RAPGEF6: variants seen among roughly 807,000 people sequenced by gnomAD.
RAPGEF6 encodes PDZ domain containing guanine nucleotide exchange factor (GEF) 2.
RAPGEF6 carries 56 observed loss-of-function variants against 171.4 expected under a neutral mutation model. The observed-to-expected ratio is 0.33, with a 90% confidence interval of 0.26 to 0.41. The LOEUF is 0.41. Ranked by LOEUF, RAPGEF6 falls within the 10% of genes least tolerant of loss-of-function variation. The probability of loss-of-function intolerance (pLI) is 1.00; values close to 1 mark genes in which losing one functional copy is unlikely to be tolerated. For missense variants in RAPGEF6, 1,674 were observed against 1,921.4 expected (o/e 0.87, Z 2.41); for synonymous variants, 692 against 650.1 (o/e 1.06, Z -0.98).
chr5:131,610,988 C>T (rs573264469), intron 1 of RAPGEF6, among the ~76,000 whole-genome samples: 4 of 152,332 alleles, frequency 2.6e-5, no homozygotes, highest in African/African-American at 7.2e-5. Context: ...CCATGCGATA[C>T]TCCCAATCAA....
intron 14 of RAPGEF6, among the ~76,000 whole-genome samples, chr5:131,489,994 T>C (rs1756174918): frequency 6.6e-6 from 1 of 152,160 alleles, no homozygotes; most frequent in Non-Finnish European, 1.5e-5. Flanking sequence ...CAAATGTATA[T>C]ACAAATTTGT....
intron 1 of RAPGEF6, among the ~76,000 whole-genome samples, chr5:131,627,327 C>G (rs1456628902): frequency 6.6e-6 from 1 of 152,180 alleles, no homozygotes; most frequent in Admixed American, 6.5e-5. Context: ...CCTATAACAA[C>G]TAACTGAAAC....
At chr5:131,630,125 A>G (rs6887105) in intron 1 of RAPGEF6, among the ~76,000 whole-genome samples, 1,606 of 152,304 alleles carry the variant, frequency 0.011, 20 homozygotes, top group African/African-American at 0.036. Context: ...GGCAAACTTC[A>G]TTGTCTTATT....
Position 131,489,662 on chromosome 5 carries a change from G to A in RAPGEF6, c.1732-8C>T. 2 of 1,454,110 alleles carry A rather than the reference G, an allele frequency of 1.4e-6. No homozygotes were observed. Among genetic ancestry groups the A allele is most frequent in the East Asian group, 4.7e-5 (2 of 42,432 alleles). 90.1% of individuals were successfully genotyped at this position (1,454,110 alleles called of 1,614,324 possible). A position where few individuals can be genotyped will look rare whatever the true frequency, so the allele number is the denominator to read the frequency against. The stretch of plus-strand genomic sequence containing the variant: ...TCCATTTACTTCCATAATCTTAAAA[G>A]TATTTAAAAAATACAAATTAATACA... On this transcript the variant is annotated splice_region_variant and splice_polypyrimidine_tract_variant and intron_variant, in intron 14 of 27. Transcript: ENST00000509018.
At chr5:131,524,183 G>GA (rs1466756253) in intron 6 of RAPGEF6, among the ~76,000 whole-genome samples, 3 of 152,112 alleles carry the variant, frequency 2.0e-5, no homozygotes, top group African/African-American at 7.2e-5. Flanking sequence ...TCAGGAACAA[G>GA]AAAGAAGAAA....
At chr5:131,479,882 C>T (rs1755353217) in intron 15 of RAPGEF6, 129 bp from the exon 16 acceptor site, 8 of 926,658 alleles carry the variant, frequency 8.6e-6, no homozygotes, top group Non-Finnish European at 1.3e-5. Context: ...TTCAACTAAA[C>T]ACTGTCAAGT....
At chr5:131,529,248 G>C (rs1396390212) in intron 6 of RAPGEF6, among the ~76,000 whole-genome samples, 1 of 149,170 alleles carries the variant, frequency 6.7e-6, no homozygotes, top group Non-Finnish European at 1.5e-5. Flanking sequence ...GGCTGAGGTG[G>C]GTGGATCATT....
chr5:131,634,926 G>C (rs1306195138), intron 1 of RAPGEF6, 36 bp downstream of exon 1: 1 of 1,611,762 alleles, frequency 6.2e-7, no homozygotes, highest in Non-Finnish European at 8.5e-7. Flanking sequence ...CTGTCTACTG[G>C]ACTGTGAGAC....
chr5:131,542,065 T>C (rs1445628800), intron 6 of RAPGEF6, among the ~76,000 whole-genome samples: 2 of 152,234 alleles, frequency 1.3e-5, no homozygotes, highest in Non-Finnish European at 2.9e-5. Context: ...TTGTTCAAAG[T>C]GAGTGATTCT....
rs34020762 is a variant in RAPGEF6 at position 131,430,929 on chromosome 5, G to C, written c.4395C>G (p.Gly1465=). Residue 1465 remains glycine (G), a synonymous_variant, in exon 26 of 28, where the codon GGC becomes GGG. Coordinates refer to ENST00000509018, the MANE Select transcript of RAPGEF6 (RefSeq NM_016340.6). ...LESTPAESSE[G]LDPKDATDPV... is the part of the protein sequence containing the mutation. ...GGTCAGTGGCATCCTTGGGGTCCAA[G>C]CCTTCAGATGACTCAGCTGGGGTGC... 6.2e-7 allele frequency: 1 copy of C among 1,613,946 alleles called. No individual in the cohort carries two copies. Among genetic ancestry groups the C allele is most frequent in the South Asian group, 1.1e-5 (1 of 91,074 alleles).
rs1412336645 is a variant in RAPGEF6, at chr5:131,635,077, A to G, written c.-47T>C. 1.9e-6 allele frequency: 3 copies of G among 1,556,554 alleles called. No individual in the cohort carries two copies. Among genetic ancestry groups the G allele is most frequent in the Non-Finnish European group, 2.6e-6 (3 of 1,145,318 alleles). On this transcript the variant is annotated 5_prime_UTR_variant, in exon 1 of 28. Transcript: ENST00000509018. ...CAGCCTGCCCTTAGCAGCCCACGCC[A>G]CAGTTCATTCACACTAGGTAGCGGG... is the stretch of plus-strand genomic sequence containing the variant.
intron 7 of RAPGEF6, among the ~76,000 whole-genome samples, chr5:131,511,587 C>A (rs1757732428): frequency 6.6e-6 from 1 of 150,970 alleles, no homozygotes; most frequent in Non-Finnish European, 1.5e-5. Context: ...ACCTTGTCCT[C>A]CTGGACTCAA....
intron 5 of RAPGEF6, among the ~76,000 whole-genome samples, chr5:131,552,593 T>G (rs534996239): frequency 6.6e-6 from 1 of 152,066 alleles, no homozygotes; most frequent in East Asian, 1.9e-4. Context: ...CCCAAGTAGC[T>G]GGGATTACAG....
chr5:131,502,265 A>G (rs1359766762), intron 11 of RAPGEF6, among the ~76,000 whole-genome samples: 2 of 152,250 alleles, frequency 1.3e-5, no homozygotes, highest in East Asian at 1.9e-4. Flanking sequence ...TCACCATTTC[A>G]GACAAGAATA....
At chr5:131,600,529 G>A (rs1368431021) in intron 3 of RAPGEF6, among the ~76,000 whole-genome samples, 1 of 118,346 alleles carries the variant, frequency 8.4e-6, no homozygotes, top group African/African-American at 3.2e-5. Context: ...GAACTAACGA[G>A]AAGGAAGGAA....
At chr5:131,562,309 TA>T (rs1420428322) in intron 4 of RAPGEF6, among the ~76,000 whole-genome samples, 2 of 152,134 alleles carry the variant, frequency 1.3e-5, no homozygotes, top group Non-Finnish European at 2.9e-5. Context: ...TAAAATTAAT[TA>T]TAAAAGATAA....
At position 131,505,509 on chromosome 5, in the gene RAPGEF6, T is replaced by C; in HGVS notation, c.956A>G (p.Tyr319Cys). Reference sequence around the variant, plus strand: ...TTCCACAGTGCCGTTTAAAATAACATACCATGAGTCAAGCTATAGAGAAAA... The same window carrying C: ...TTCCACAGTGCCGTTTAAAATAACACACCATGAGTCAAGCTATAGAGAAAA... ...LEDGQELDSW[Y>C]VILNGTVEIS... is the part of the protein sequence containing the mutation. Residue 319 changes from tyrosine (Y) to cysteine (C), a missense_variant, in exon 10 of 28, where the codon TAT (tyrosine) becomes TGT (cysteine). This residue lies in a region of RAPGEF6 where 1,116 missense variants were observed against 1,321.5 expected (regional missense o/e 0.84). Coordinates refer to ENST00000509018, the MANE Select transcript of RAPGEF6 (RefSeq NM_016340.6). The C allele has an allele frequency of 2.5e-6, 4 of 1,613,070 alleles. No homozygotes were observed. Among genetic ancestry groups the C allele is most frequent in the Middle Eastern group, 1.7e-4 (1 of 6,052 alleles).
intron 14 of RAPGEF6, among the ~76,000 whole-genome samples, chr5:131,490,060 GGAGTACTCTAAAT>G (rs956981442): frequency 1.3e-5 from 2 of 151,984 alleles, no homozygotes; most frequent in Non-Finnish European, 2.9e-5. Flanking sequence ...TCTTTTAAAG[GGAGTACTCTAAAT>G]ATATTTAATA....
chr5:131,541,547 G>T (rs1580996265), intron 6 of RAPGEF6, among the ~76,000 whole-genome samples: 2 of 151,302 alleles, frequency 1.3e-5, no homozygotes, highest in East Asian at 3.9e-4. Context: ...TGTAGAGACA[G>T]GGTCTTGCTT....
Sources: allele counts gnomAD v4.1 joint callset (sites outside exome capture counted in the v4.1 genomes callset), GRCh38; gene constraint gnomAD v4.1.1; regional missense constraint gnomAD v4.1.1; transcripts MANE v1.5; gene names NCBI Gene and HGNC (gene_info 2026-07-23, HGNC 2026-07-21).